Variants in SUN3 observed in about 807,000 individuals in gnomAD.
SUN3 encodes the protein SUN domain-containing protein 3.
In SUN3, 36 loss-of-function variants were observed where a neutral mutation model predicts 48.2. The observed-to-expected ratio is 0.75, with a 90% confidence interval of 0.57 to 0.99. SUN3 has a LOEUF of 0.99. Ranked by LOEUF, SUN3 falls within the 50% of genes least tolerant of loss-of-function variation. SUN3 has a pLI of 0.00. For missense variants in SUN3, 419 were observed against 433.1 expected, an observed-to-expected ratio of 0.97 and a Z score of 0.29; for synonymous variants, 148 against 147.9, an observed-to-expected ratio of 1.00 and a Z score of 0.00.
At chr7:48,024,654 C>A (rs1309471018) in intron 2 of SUN3, among the ~76,000 whole-genome samples, 1 of 152,110 alleles carries the variant, frequency 6.6e-6, no homozygotes, top group Non-Finnish European at 1.5e-5. Flanking sequence ...AGCATGGCAC[C>A]AGCATCTACA....
intron 2 of SUN3, among the ~76,000 whole-genome samples, chr7:48,019,022 G>A (rs538756630): frequency 1.3e-5 from 2 of 152,310 alleles, no homozygotes; most frequent in East Asian, 3.9e-4. Context: ...GAAGCTGAAA[G>A]AGGAATAACT....
At chr7:48,024,121 C>T (rs184987981) in intron 2 of SUN3, among the ~76,000 whole-genome samples, 9 of 152,036 alleles carry the variant, frequency 5.9e-5, no homozygotes, top group Non-Finnish European at 1.2e-4. Flanking sequence ...GAGCTAAAAC[C>T]AGAAAACTCT....
intron 3 of SUN3, among the ~76,000 whole-genome samples, chr7:48,012,285 C>A (rs549824743): frequency 3.9e-5 from 6 of 152,166 alleles, no homozygotes; most frequent in Non-Finnish European, 8.8e-5. Flanking sequence ...GGTTTGTCTG[C>A]ATGTGCTGTC....
At chr7:48,015,325 G>A (rs1026852822) in intron 3 of SUN3, among the ~76,000 whole-genome samples, 1 of 152,166 alleles carries the variant, frequency 6.6e-6, no homozygotes, top group Non-Finnish European at 1.5e-5. Flanking sequence ...TTTTGTCTAA[G>A]ACTGGGGTCT....
chr7:48,022,535 G>T (rs1790028488), intron 2 of SUN3, among the ~76,000 whole-genome samples: 1 of 151,802 alleles, frequency 6.6e-6, no homozygotes, highest in African/African-American at 2.4e-5. Context: ...TACCCCATAA[G>T]TATATATACT....
chr7:48,012,381 T>C (rs139942527), intron 3 of SUN3, among the ~76,000 whole-genome samples: 169 of 151,742 alleles, frequency 1.1e-3, no homozygotes, highest in African/African-American at 3.6e-3. Context: ...TACTTGTTTT[T>C]TGTTTAGTTT....
intron 3 of SUN3, among the ~76,000 whole-genome samples, chr7:48,014,618 A>T (rs1350701738): frequency 1.3e-5 from 2 of 152,196 alleles, no homozygotes; most frequent in African/African-American, 4.8e-5. Flanking sequence ...TTCAGAAAGA[A>T]ACCAATCCTG....
chr7:48,007,056 G>T, intron 5 of SUN3, 109 bp downstream of exon 5: 1 of 1,121,182 alleles, frequency 8.9e-7, no homozygotes, highest in Non-Finnish European at 1.2e-6. Context: ...TTCCCACTGG[G>T]AGAAGAAGCA....
intron 2 of SUN3, among the ~76,000 whole-genome samples, chr7:48,024,212 A>T (rs1196538100): frequency 1.3e-5 from 2 of 152,182 alleles, no homozygotes; most frequent in African/African-American, 2.4e-5. Flanking sequence ...AAGTGCAAAG[A>T]CAACCTAGAA....
chr7:47,990,186 A>G (rs559093565), intron 8 of SUN3, among the ~76,000 whole-genome samples: 107 of 152,294 alleles, frequency 7.0e-4, no homozygotes, highest in Middle Eastern at 3.4e-3. Flanking sequence ...TCCCTGGGCA[A>G]TGGAATGTCT....
At chr7:47,995,489 A>G (rs778872432) in intron 7 of SUN3, among the ~76,000 whole-genome samples, 5 of 152,198 alleles carry the variant, frequency 3.3e-5, no homozygotes, top group Admixed American at 6.5e-5. Context: ...TAAATTTGCA[A>G]CTAACTTCAG....
rs1788967328 is a variant in SUN3, at chr7:47,988,725, C to T, written c.954+63G>A. The T allele has an allele frequency of 4.0e-6, 4 of 994,434 alleles. No homozygotes were observed. The South Asian group carries it at 6.6e-5, about 16-fold the overall frequency. 61.6% of individuals were successfully genotyped at this position (994,434 alleles called of 1,614,324 possible). ...TTCTCATACGTCACTTTACATGAAGCAATCCCAACAAATTTCTCCCAGTGA... is the reference window on the plus strand; with the variant it reads ...TTCTCATACGTCACTTTACATGAAGTAATCCCAACAAATTTCTCCCAGTGA... On this transcript the variant is annotated intron_variant, in intron 9 of 9. Transcript: ENST00000297325.
At chr7:48,024,018 C>G (rs1425638351) in intron 2 of SUN3, among the ~76,000 whole-genome samples, 1 of 152,148 alleles carries the variant, frequency 6.6e-6, no homozygotes, top group African/African-American at 2.4e-5. Flanking sequence ...GCAAATATTA[C>G]TTTGGCTTTC....
chr7:48,017,927 G>C (rs931124065), intron 2 of SUN3, among the ~76,000 whole-genome samples: 2 of 152,120 alleles, frequency 1.3e-5, no homozygotes, highest in African/African-American at 4.8e-5. Flanking sequence ...CTGGGACAAA[G>C]GACAGTAGAT....
Position 47,999,154 on chromosome 7 carries a change from A to G in SUN3, c.578-3008T>C, listed in dbSNP as rs190522183. Among the ~76,000 whole-genome samples the G allele has an allele frequency of 8.3e-4, 126 of 152,226 alleles. 1 individual carries two copies. Among genetic ancestry groups the G allele is most frequent in the African/African-American group, 2.9e-3 (122 of 41,540 alleles). ...ATGGTATACTTGTCCATTTATTTAA[A>G]TCTTTTTTATTTATTTCATTATTGT... On this transcript the variant is annotated intron_variant, in intron 6 of 9. Coordinates refer to ENST00000297325, the MANE Select transcript of SUN3 (RefSeq NM_001030019.2).
chr7:47,994,268 A>AATT, intron 8 of SUN3, 47 bp downstream of exon 8: 1 of 1,599,158 alleles, frequency 6.3e-7, no homozygotes, highest in Non-Finnish European at 8.5e-7. Context: ...CTAGCCAACC[A>AATT]CCTTCTATCA....
chr7:48,034,891 G>T, the SUN3 span, among the ~76,000 whole-genome samples: 2 of 151,822 alleles, frequency 1.3e-5, no homozygotes, highest in Non-Finnish European at 2.9e-5. Flanking sequence ...CAAAAAATAA[G>T]ATATAAGGAA....
At chr7:48,017,472 T>C (rs763753462) in intron 2 of SUN3, 107 bp from the exon 3 acceptor site, 4 of 681,192 alleles carry the variant, frequency 5.9e-6, no homozygotes, top group Non-Finnish European at 1.0e-5. Context: ...TGTATACTCT[T>C]AAGAATATCA....
At chr7:48,005,551 T>G (rs1789500121) in intron 6 of SUN3, among the ~76,000 whole-genome samples, 1 of 152,240 alleles carries the variant, frequency 6.6e-6, no homozygotes, top group Non-Finnish European at 1.5e-5. Flanking sequence ...TAACCCTTAA[T>G]AATTAATTTT....
Sources: allele counts gnomAD v4.1 joint callset (sites outside exome capture counted in the v4.1 genomes callset), GRCh38; gene constraint gnomAD v4.1.1; transcripts MANE v1.5; gene names NCBI Gene and HGNC (gene_info 2026-07-23, HGNC 2026-07-21).